Variants in EIF3A observed in about 807,000 individuals in gnomAD.
The protein encoded by EIF3A is eukaryotic translation initiation factor 3 subunit A, also known as EIF3, p180 subunit.
Under a neutral mutation model 186.6 loss-of-function variants are expected in EIF3A, and 21 were observed. The observed-to-expected ratio is 0.11, with a 90% CI of 0.08 to 0.16. The LOEUF is 0.16. Among genes scored for constraint, EIF3A ranks in the 10% least tolerant of loss-of-function variants. The pLI is 1.00. For missense variants in EIF3A, 1,306 were observed against 1,796.3 expected (o/e 0.73, Z 4.93); for synonymous variants, 563 against 584.3 (o/e 0.96, Z 0.52).
At chr10:119,079,253 CAATTACTCCATTCCACACAATGTGG>C (rs1844224267) in intron 1 of EIF3A, among the ~76,000 whole-genome samples, 1 of 152,154 alleles carries the variant, frequency 6.6e-6, no homozygotes, top group South Asian at 2.1e-4. Flanking sequence ...GTTTTTAAAA[CAATTACTCCATTCCACACAATGTGG>C]AATTATCCTA....
chr10:119,049,066 T>C (rs1279796399), intron 17 of EIF3A, among the ~76,000 whole-genome samples: 1 of 152,198 alleles, frequency 6.6e-6, no homozygotes, highest in African/African-American at 2.4e-5. Context: ...TGCGCAAAAG[T>C]ATGCTTAAGC....
chr10:119,066,505 CAAAAAAAAAAAAAAAAAAAA>C (rs71016533), intron 6 of EIF3A, among the ~76,000 whole-genome samples: 14 of 47,498 alleles, frequency 2.9e-4, no homozygotes, highest in African/African-American at 6.0e-4. Context: ...TTAAGACTGT[CAAAAAAAAAAAAAAAAAAAA>C]AAAAAAAAAA....
chr10:119,035,016 C>T lies in EIF3A; in HGVS notation c.*1023G>A, dbSNP rs1235137547. 1 of 152,576 alleles carries T rather than the reference C, an allele frequency of 6.6e-6. No individual in the cohort carries two copies. Among genetic ancestry groups the T allele is most frequent in the East Asian group, 1.9e-4 (1 of 5,200 alleles). 9.5% of individuals were successfully genotyped at this position (152,576 alleles called of 1,614,324 possible). A position where few individuals can be genotyped will look rare whatever the true frequency, so the allele number is the denominator to read the frequency against. ...CAAACTTACCATTATAAACAAAATA[C>T]TATAACCACAAATCAACACTAAAAC... On this transcript the variant is annotated 3_prime_UTR_variant, in exon 22 of 22. Coordinates refer to ENST00000369144, the MANE Select transcript of EIF3A (RefSeq NM_003750.4).
At chr10:119,071,881 C>T (rs946991238) in intron 4 of EIF3A, among the ~76,000 whole-genome samples, 1 of 151,414 alleles carries the variant, frequency 6.6e-6, no homozygotes, top group Non-Finnish European at 1.5e-5. Context: ...AAAAATTAGC[C>T]GAGCATGGCA....
chr10:119,049,659 C>T (rs549558374), intron 17 of EIF3A, 142 bp downstream of exon 17: 19 of 685,434 alleles, frequency 2.8e-5, no homozygotes, highest in South Asian at 2.5e-4. Flanking sequence ...GGCTGAGACA[C>T]GAGAATCACT....
At chr10:119,037,907 AT>A (rs575308953) in intron 20 of EIF3A, among the ~76,000 whole-genome samples, 1,565 of 93,128 alleles carry the variant, frequency 0.017, 14 homozygotes, top group African/African-American at 0.06. Flanking sequence ...TTAAGAGGGA[AT>A]TTTTTTTTTT....
chr10:119,059,693 T>G lies in EIF3A; in HGVS notation c.1352A>C (p.Glu451Ala), dbSNP rs777229449. The change falls in exon 10 of 22, where the codon GAG (glutamate) becomes GCG (alanine). Residue 451 changes from glutamate to alanine, a missense_variant. Coordinates refer to ENST00000369144, the MANE Select transcript of EIF3A (RefSeq NM_003750.4). ...QQVSQIYQSI[E>A]FSRLTSLVPF... Reference sequence around the variant, plus strand: ...AACCAAAGAAGTCAAACGAGAAAACTCAATGCTCTGATAAATCTGTGACAC... The same window carrying G: ...AACCAAAGAAGTCAAACGAGAAAACGCAATGCTCTGATAAATCTGTGACAC... 5 of 1,613,836 alleles carry G rather than the reference T, an allele frequency of 3.1e-6. No homozygotes were observed. Among genetic ancestry groups the G allele is most frequent in the Non-Finnish European group, 4.2e-6 (5 of 1,179,746 alleles).
At position 119,042,600 on chromosome 10, in the gene EIF3A, C is replaced by G. The variant is rs1848225691; in HGVS notation, c.2920G>C (p.Glu974Gln). 6.2e-7 allele frequency: 1 copy of G among 1,614,088 alleles called. No individual in the cohort carries two copies. The highest frequency in any genetic ancestry group is 1.7e-5 in the Admixed American group (1 of 60,004). The change falls in exon 19 of 22, where the codon GAA (glutamate) becomes CAA (glutamine). Residue 974 changes from glutamate to glutamine, a missense_variant. Glu to Gln is a conservative substitution (Grantham distance 29). This residue lies in a region of EIF3A where 410 missense variants were observed against 473.5 expected (regional missense o/e 0.87). Transcript: ENST00000369144. The surrounding 1 kb of genome is among the most constrained non-coding windows in gnomAD (Gnocchi z 7.8). ...DDRGPRRGPE[E>Q]DRFSRRGADD... Reference sequence around the variant, plus strand: ...GCCCCACGACGAGAGAACCTATCTTCCTCAGGACCACGTCTAGGGCCTCTG... The same window carrying G: ...GCCCCACGACGAGAGAACCTATCTTGCTCAGGACCACGTCTAGGGCCTCTG...
chr10:119,044,638 G>A lies in EIF3A; in HGVS notation c.2659-496C>T, dbSNP rs556521592. Among the ~76,000 whole-genome samples, 336 of 152,272 alleles carry A rather than the reference G, an allele frequency of 2.2e-3. 2 individuals are homozygous for A. Among genetic ancestry groups the A allele is most frequent in the African/African-American group, 7.7e-3 (320 of 41,552 alleles). On this transcript the variant is annotated intron_variant, in intron 17 of 21. Coordinates refer to ENST00000369144, the MANE Select transcript of EIF3A (RefSeq NM_003750.4). ...CCGAGGCAGGTGGATCACGAGGTCA[G>A]GAGATCAAGACCATCCTGGCTAACA...
chr10:119,052,368 T>TGTGTGTGTGTG (rs1848367766), intron 14 of EIF3A, among the ~76,000 whole-genome samples: 1 of 122,972 alleles, frequency 8.1e-6, no homozygotes, highest in African/African-American at 2.9e-5. Flanking sequence ...TTTTTTGGTT[T>TGTGTGTGTGTG]TGTGTGTGTG....
At position 119,066,733 on chromosome 10, in the gene EIF3A, C is replaced by T. The variant is rs1843987231; in HGVS notation, c.951-1163G>A. Among the ~76,000 whole-genome samples, 5 of 152,160 alleles carry T rather than the reference C, an allele frequency of 3.3e-5. No individual in the cohort carries two copies. In the South Asian group the frequency reaches 1.0e-3, roughly 32 times the overall value. On this transcript the variant is annotated intron_variant, in intron 6 of 21. Transcript: ENST00000369144. The stretch of plus-strand genomic sequence containing the variant: ...GCGAGCCCTGGAGCTGAAGGGCTAG[C>T]ATCTCCCCTTCGCCATTTCCAAGAC...
rs569436615 is a variant in EIF3A, at chr10:119,053,428, T to C, written c.2197-2107A>G. Among the ~76,000 whole-genome samples, 12 of 152,122 alleles carry C rather than the reference T, an allele frequency of 7.9e-5. No individual in the cohort carries two copies. The East Asian group carries it at 1.7e-3, about 22-fold the overall frequency. ...TCGTTTCATCTACACTGAAAATCTA[T>C]TGGCTGGGCACCATGGCTCACCCCT... On this transcript the variant is annotated intron_variant, in intron 14 of 21. Transcript: ENST00000369144.
rs146652588 is a variant in EIF3A, at chr10:119,041,376, C to T, written c.3526+618G>A. On this transcript the variant is annotated intron_variant, in intron 19 of 21. Coordinates refer to ENST00000369144, the MANE Select transcript of EIF3A (RefSeq NM_003750.4). The stretch of plus-strand genomic sequence containing the variant: ...TAACTTGGGCCCAGGAGTTTGAGAC[C>T]AGCCTGGGCAACATAGCGAAACCCC... Among the ~76,000 whole-genome samples, 823 of 152,168 alleles carry T rather than the reference C, an allele frequency of 5.4e-3. 8 individuals are homozygous for T. Among genetic ancestry groups the T allele is most frequent in the African/African-American group, 0.019 (769 of 41,496 alleles).
chr10:119,080,142 G>C (rs1447458432), intron 1 of EIF3A, among the ~76,000 whole-genome samples: 1 of 152,232 alleles, frequency 6.6e-6, no homozygotes. Context: ...GGAAGGCCGG[G>C]GGTGGGTCCG....
In EIF3A at chr10:119,035,970, CAAGTAT is replaced by C. The variant is rs1455065716; in HGVS notation, c.*63_*68del. On this transcript the variant is annotated 3_prime_UTR_variant, in exon 22 of 22. Transcript: ENST00000369144. ...AATCCAATTTAGATTGGTTGAAGCA[CAAGTAT>C]AATAATCCTTGAATGTGATCAAACC... The C allele has an allele frequency of 5.8e-6, 7 of 1,211,148 alleles. No individual in the cohort carries two copies. The highest frequency in any genetic ancestry group is 8.5e-6 in the Non-Finnish European group (7 of 822,432). 75.0% of individuals were successfully genotyped at this position (1,211,148 alleles called of 1,614,324 possible). A position where few individuals can be genotyped will look rare whatever the true frequency, so the allele number is the denominator to read the frequency against.
At chr10:119,056,250 C>T (rs1200201010) in intron 14 of EIF3A, among the ~76,000 whole-genome samples, 2 of 152,154 alleles carry the variant, frequency 1.3e-5, no homozygotes, top group South Asian at 2.1e-4. Context: ...TGTTTAGTCA[C>T]GAAAGACAAC....
intron 1 of EIF3A, chr10:119,080,407 C>G: frequency 1.0e-6 from 1 of 985,434 alleles, no homozygotes. Context: ...AAGGAAAGGC[C>G]CCTGGGGCGA....
chr10:119,054,091 T>C (rs767849205), intron 14 of EIF3A, among the ~76,000 whole-genome samples: 1 of 152,072 alleles, frequency 6.6e-6, no homozygotes, highest in Non-Finnish European at 1.5e-5. Flanking sequence ...CAGCTAATTT[T>C]TGTAATTTTA....
At chr10:119,080,433 C>A in intron 1 of EIF3A, 195 bp downstream of exon 1, 2 of 985,444 alleles carry the variant, frequency 2.0e-6, no homozygotes, top group South Asian at 9.4e-5. Context: ...CCGGGCTACG[C>A]GCCTCCCAGA....
Sources: gnomAD v4.1 joint callset for allele counts (sites outside exome capture counted in the v4.1 genomes callset) on GRCh38, gnomAD v4.1.1 for gene constraint, gnomAD v4.1.1 regional missense constraint, Gnocchi (gnomAD v3.1) non-coding constraint, MANE v1.5 for transcripts, NCBI Gene and HGNC (gene_info 2026-07-23, HGNC 2026-07-21) for gene names.